Variants in SORCS1 observed in about 807,000 individuals in gnomAD.
SORCS1 encodes sortilin related VPS10 domain containing receptor 1, also known as VPS10 domain-containing receptor SorCS1.
SORCS1 carries 60 observed loss-of-function variants against 146.1 expected under a neutral mutation model. The ratio of observed to expected loss-of-function variants is 0.41; its 90% CI spans 0.33 to 0.51. The LOEUF (loss-of-function observed/expected upper bound fraction) is 0.51. Among genes scored for constraint, SORCS1 ranks in the 20% least tolerant of loss-of-function variants. The probability of loss-of-function intolerance (pLI) is 0.21; values close to 1 mark genes in which losing one functional copy is unlikely to be tolerated. For missense variants in SORCS1, 1,352 were observed against 1,487.6 expected (o/e 0.91, Z 1.50); for synonymous variants, 637 against 584.0 (o/e 1.09, Z -1.31).
intron 24 of SORCS1, among the ~76,000 whole-genome samples, chr10:106,591,570 C>G (rs369071748): frequency 2.8e-4 from 43 of 152,162 alleles, no homozygotes; most frequent in African/African-American, 1.0e-3. Context: ...TTCATAAAAA[C>G]AATATTTGTT....
At chr10:106,643,671 C>T (rs537102586) in intron 18 of SORCS1, among the ~76,000 whole-genome samples, 3 of 152,274 alleles carry the variant, frequency 2.0e-5, no homozygotes, top group African/African-American at 7.2e-5. Flanking sequence ...TATCTTTTTT[C>T]CTTCTTGTGC....
At chr10:107,075,888 G>T (rs1488440701) in intron 1 of SORCS1, among the ~76,000 whole-genome samples, 1 of 151,804 alleles carries the variant, frequency 6.6e-6, no homozygotes, top group Admixed American at 6.6e-5. Flanking sequence ...ATTTTCTTAG[G>T]GAGCTTCACA....
intron 24 of SORCS1, among the ~76,000 whole-genome samples, chr10:106,586,565 T>C (rs2133237668): frequency 6.6e-6 from 1 of 152,326 alleles, no homozygotes; most frequent in Non-Finnish European, 1.5e-5. Context: ...ACATATCCTC[T>C]AGCCTGGCTA....
chr10:107,081,005 A>G (rs1963289570), intron 1 of SORCS1, among the ~76,000 whole-genome samples: 1 of 152,214 alleles, frequency 6.6e-6, no homozygotes, highest in African/African-American at 2.4e-5. Context: ...TAAAAAAAAG[A>G]TATCATTGCT....
intron 1 of SORCS1, among the ~76,000 whole-genome samples, chr10:106,963,859 T>C (rs369819958): frequency 6.6e-6 from 1 of 152,230 alleles, no homozygotes; most frequent in Non-Finnish European, 1.5e-5. Context: ...ATATTTGATA[T>C]GAGTCTCTGA....
Position 106,577,715 on chromosome 10 carries a change from G to A in SORCS1, c.3372-160C>T, listed in dbSNP as rs974970099. On this transcript the variant is annotated intron_variant, in intron 25 of 25. Transcript: ENST00000263054. The stretch of plus-strand genomic sequence containing the variant: ...CTTCATACCCTACGGAAATGCGACT[G>A]AGAACCAAACGATCCCCAAAAATGC... The A allele has an allele frequency of 1.7e-5, 23 of 1,389,082 alleles. No individual in the cohort carries two copies. In the East Asian group the frequency reaches 5.9e-4, roughly 36 times the overall value. The allele number at this position is 1,389,082 out of a possible 1,614,324, so 86.0% of individuals were successfully genotyped here.
chr10:106,666,546 ATCTC>A (rs201181138), intron 17 of SORCS1, among the ~76,000 whole-genome samples: 50 of 147,946 alleles, frequency 3.4e-4, no homozygotes, highest in Admixed American at 9.5e-4. Context: ...TTTACAATAA[ATCTC>A]TCTCTTTTTT....
At chr10:106,990,128 T>G (rs1275757366) in intron 1 of SORCS1, among the ~76,000 whole-genome samples, 1 of 152,192 alleles carries the variant, frequency 6.6e-6, no homozygotes, top group Non-Finnish European at 1.5e-5. Context: ...GCTTTCCTTT[T>G]TAGATTACCT....
intron 3 of SORCS1, among the ~76,000 whole-genome samples, chr10:106,817,509 C>T (rs753601675): frequency 6.6e-6 from 1 of 152,020 alleles, no homozygotes; most frequent in Non-Finnish European, 1.5e-5. Context: ...CAATATTCAC[C>T]CACTCCTGTG....
chr10:106,981,998 T>C (rs1392010838), intron 1 of SORCS1, among the ~76,000 whole-genome samples: 2 of 152,190 alleles, frequency 1.3e-5, no homozygotes, highest in Non-Finnish European at 2.9e-5. Context: ...TTCATTGTTT[T>C]TGTGGAGTTC....
At chr10:106,793,744 C>G (rs1315964966) in intron 3 of SORCS1, among the ~76,000 whole-genome samples, 2 of 152,210 alleles carry the variant, frequency 1.3e-5, no homozygotes, top group African/African-American at 2.4e-5. Flanking sequence ...TACTTTATAG[C>G]TATTTCCAGC....
intron 3 of SORCS1, among the ~76,000 whole-genome samples, chr10:106,801,592 G>A (rs1419539003): frequency 6.7e-6 from 1 of 149,564 alleles, no homozygotes; most frequent in Non-Finnish European, 1.5e-5. Flanking sequence ...GCAGTGGTGG[G>A]ATCTCGGCTC....
At chr10:106,858,584 G>T (rs540714691) in intron 2 of SORCS1, among the ~76,000 whole-genome samples, 2 of 140,356 alleles carry the variant, frequency 1.4e-5, no homozygotes, top group African/African-American at 2.7e-5. Context: ...CTCCAGCCTG[G>T]GAGACAGAGC....
At chr10:106,750,565 T>C (rs1858083256) in intron 5 of SORCS1, among the ~76,000 whole-genome samples, 1 of 143,336 alleles carries the variant, frequency 7.0e-6, no homozygotes, top group South Asian at 2.2e-4. Context: ...CCGTCTCTAT[T>C]AAAAATACAA....
intron 17 of SORCS1, among the ~76,000 whole-genome samples, chr10:106,656,688 G>A (rs1022641511): frequency 6.6e-6 from 1 of 151,410 alleles, no homozygotes; most frequent in Admixed American, 6.6e-5. Context: ...AGGTGGTGAT[G>A]GCAAGATACA....
At chr10:106,583,667 C>T (rs1021677221) in intron 24 of SORCS1, among the ~76,000 whole-genome samples, 1 of 151,976 alleles carries the variant, frequency 6.6e-6, no homozygotes, top group Non-Finnish European at 1.5e-5. Context: ...CCACGCATGG[C>T]TAATTTTTTT....
intron 1 of SORCS1, among the ~76,000 whole-genome samples, chr10:107,044,884 T>C (rs937383735): frequency 3.4e-5 from 5 of 145,624 alleles, no homozygotes; most frequent in African/African-American, 1.0e-4. Context: ...CTGCATCAGA[T>C]AGATGGAAAG....
intron 3 of SORCS1, among the ~76,000 whole-genome samples, chr10:106,803,480 T>C (rs1343944891): frequency 6.6e-6 from 1 of 152,168 alleles, no homozygotes; most frequent in Non-Finnish European, 1.5e-5. Context: ...ATTCTCACAA[T>C]ACTTTGTACA....
At chr10:106,780,370 T>C (rs560245776) in intron 3 of SORCS1, among the ~76,000 whole-genome samples, 144 of 152,360 alleles carry the variant, frequency 9.5e-4, no homozygotes, top group African/African-American at 3.3e-3. Flanking sequence ...TAATGTTTTG[T>C]TGTGTTTACT....
Sources: gnomAD v4.1 joint callset for allele counts (sites outside exome capture counted in the v4.1 genomes callset) on GRCh38, gnomAD v4.1.1 for gene constraint, MANE v1.5 for transcripts, NCBI Gene and HGNC (gene_info 2026-07-23, HGNC 2026-07-21) for gene names.